The following PMM2 variants were observed in gnomAD, a reference collection of about 807,000 sequenced individuals.
PMM2 encodes phosphomannomutase 2, also known as mannose-6-phosphate isomerase.
PMM2 carries 35 observed loss-of-function variants against 33.2 expected under a neutral mutation model. The observed-to-expected ratio is 1.06, with a 90% confidence interval of 0.81 to 1.40. PMM2 has a LOEUF of 1.40. PMM2 is among the 40% of genes most tolerant of loss of function. The probability of loss-of-function intolerance (pLI) is 0.00; values close to 1 mark genes in which losing one functional copy is unlikely to be tolerated. For missense variants in PMM2, 386 were observed against 306.0 expected, an observed-to-expected ratio of 1.26 and a Z score of -1.95; for synonymous variants, 153 against 114.7, an observed-to-expected ratio of 1.33 and a Z score of -2.13.
intron 7 of PMM2, chr16:8,833,066 C>T (rs1271365325): frequency 8.3e-6 from 2 of 241,584 alleles, no homozygotes; most frequent in East Asian, 3.6e-4. Context: ...TGTGAAGAGA[C>T]CACCAAACGG....
intron 7 of PMM2, among the ~76,000 whole-genome samples, chr16:8,814,979 T>C (rs2060698722): frequency 6.6e-6 from 1 of 152,086 alleles, no homozygotes; most frequent in Non-Finnish European, 1.5e-5. Context: ...GAACAACAAC[T>C]CTCCATCTCC....
intron 3 of PMM2, among the ~76,000 whole-genome samples, chr16:8,805,568 G>C (rs949471471): frequency 4.6e-5 from 7 of 151,758 alleles, no homozygotes; most frequent in African/African-American, 7.3e-5. Flanking sequence ...AACTAGAGCA[G>C]ACTGCTTCAC....
At chr16:8,819,182 C>A (rs1429253084) in intron 7 of PMM2, among the ~76,000 whole-genome samples, 2 of 152,214 alleles carry the variant, frequency 1.3e-5, no homozygotes, top group Non-Finnish European at 1.5e-5. Flanking sequence ...TTGGGGACAG[C>A]CCCGCTGCTC....
chr16:8,847,656 AGGGTCAC>A, intron 7 of PMM2, 61 bp from the exon 8 acceptor site: 1 of 1,174,894 alleles, frequency 8.5e-7, no homozygotes, highest in Non-Finnish European at 1.3e-6. Flanking sequence ...TTTGGACTCC[AGGGTCAC>A]ATCAGCAATG....
At chr16:8,820,722 G>A (rs1349190740) in intron 7 of PMM2, among the ~76,000 whole-genome samples, 1 of 152,152 alleles carries the variant, frequency 6.6e-6, no homozygotes, top group Non-Finnish European at 1.5e-5. Flanking sequence ...GGTGACGCAG[G>A]GCCTGACTCA....
intron 7 of PMM2, among the ~76,000 whole-genome samples, chr16:8,844,874 T>C (rs982369275): frequency 2.0e-5 from 3 of 152,270 alleles, no homozygotes; most frequent in Non-Finnish European, 4.4e-5. Context: ...AAAAAGAGGC[T>C]GCTTATTGGA....
intron 7 of PMM2, among the ~76,000 whole-genome samples, chr16:8,825,460 C>T (rs781594402): frequency 3.3e-5 from 5 of 152,040 alleles, no homozygotes; most frequent in African/African-American, 9.7e-5. Flanking sequence ...GCTGGGATTA[C>T]AGGCACCCAC....
intron 7 of PMM2, among the ~76,000 whole-genome samples, chr16:8,839,875 A>T (rs56720954): frequency 0.92 from 127,473 of 137,850 alleles, 59,377 homozygotes; most frequent in East Asian, 0.97. Flanking sequence ...ATGGGGGGAG[A>T]AAGGAGAAAG....
At chr16:8,805,970 G>T (rs761283517) in intron 3 of PMM2, among the ~76,000 whole-genome samples, 9 of 152,160 alleles carry the variant, frequency 5.9e-5, no homozygotes, top group Non-Finnish European at 1.3e-4. Flanking sequence ...GAATGCCGAA[G>T]TGGAACAAAT....
At chr16:8,822,212 G>C (rs1380463034) in intron 7 of PMM2, among the ~76,000 whole-genome samples, 2 of 152,154 alleles carry the variant, frequency 1.3e-5, no homozygotes, top group Admixed American at 1.3e-4. Flanking sequence ...AGTTTTTCTT[G>C]CTATCTTCTG....
intron 7 of PMM2, among the ~76,000 whole-genome samples, chr16:8,823,921 T>C (rs1175352811): frequency 1.3e-5 from 2 of 152,208 alleles, no homozygotes; most frequent in African/African-American, 4.8e-5. Context: ...TATTTGAAAG[T>C]ATGTCGTACC....
intron 7 of PMM2, chr16:8,832,422 C>A (rs1567166249): frequency 1.0e-6 from 1 of 985,380 alleles, no homozygotes. Flanking sequence ...TACATGCACA[C>A]AGATCACTCA....
At chr16:8,824,342 A>C (rs1226419886) in intron 7 of PMM2, among the ~76,000 whole-genome samples, 1 of 152,226 alleles carries the variant, frequency 6.6e-6, no homozygotes, top group South Asian at 2.1e-4. Flanking sequence ...TTTGAAAAGG[A>C]TAAAACCAAG....
At position 8,797,865 on chromosome 16, in the gene PMM2, C is replaced by A; in HGVS notation, c.-18C>A. ...TCGTGCCAACGTGTCTTGTAAGGTGCGGCTAGAAACTGGGGACATGGCAGC... is the reference window on the plus strand; with the variant it reads ...TCGTGCCAACGTGTCTTGTAAGGTGAGGCTAGAAACTGGGGACATGGCAGC... On this transcript the variant is annotated 5_prime_UTR_variant, in exon 1 of 8. Transcript: ENST00000268261. 2 of 1,609,968 alleles carry A rather than the reference C, an allele frequency of 1.2e-6. No homozygotes were observed. The highest frequency in any genetic ancestry group is 1.7e-6 in the Non-Finnish European group (2 of 1,178,480).
chr16:8,812,918 T>A, intron 6 of PMM2, 73 bp from the exon 7 acceptor site: 2 of 872,890 alleles, frequency 2.3e-6, no homozygotes, highest in Non-Finnish European at 4.0e-6. Context: ...AAGAGTAAAT[T>A]GTTTTTTTCA....
rs186862292 is a variant in PMM2 at position 8,799,141 on chromosome 16, T to C, written c.66+1193T>C. 6.6e-5 allele frequency among the ~76,000 whole-genome samples: 10 copies of C among 152,306 alleles called. No homozygotes were observed. The East Asian group carries it at 1.2e-3, about 18-fold the overall frequency. ...GTGGTCTATAGTAACCACTCAACTT[T>C]AGTGCAAAACCAGCCATAAACCCTA... On this transcript the variant is annotated intron_variant, in intron 1 of 7. Coordinates refer to ENST00000268261, the MANE Select transcript of PMM2 (RefSeq NM_000303.3).
At chr16:8,847,277 G>A (rs2060932570) in intron 7 of PMM2, among the ~76,000 whole-genome samples, 1 of 151,486 alleles carries the variant, frequency 6.6e-6, no homozygotes, top group Admixed American at 6.6e-5. Flanking sequence ...CGCTGATGTC[G>A]CCACGTCCCT....
rs184554693 is a variant in PMM2, at chr16:8,837,052, A to G, written c.640-10672A>G. 5.1e-3 allele frequency among the ~76,000 whole-genome samples: 777 copies of G among 152,046 alleles called. 13 individuals are homozygous for G. The highest frequency in any genetic ancestry group is 0.014 in the South Asian group (67 of 4,816). ...CTGAGGAAGAATTGGAACCTAGCTC[A>G]GCCTGGCGAGGAGGAGAGGTCAGAT... On this transcript the variant is annotated intron_variant, in intron 7 of 7. Transcript: ENST00000268261.
Position 8,812,386 on chromosome 16 carries a change from C to T in PMM2, c.524-605C>T, listed in dbSNP as rs1596489480. Among the ~76,000 whole-genome samples, 3 of 152,200 alleles carry T rather than the reference C, an allele frequency of 2.0e-5. No homozygotes were observed. The South Asian group carries it at 6.2e-4, about 31-fold the overall frequency. ...GTGCTAATGAGTCATTGCTCAAAGC[C>T]TCCTCATTTTACTAGCTTTCATCAA... On this transcript the variant is annotated intron_variant, in intron 6 of 7. Transcript: ENST00000268261.
Sources: gnomAD v4.1 joint callset for allele counts (sites outside exome capture counted in the v4.1 genomes callset) on GRCh38, gnomAD v4.1.1 for gene constraint, MANE v1.5 for transcripts, NCBI Gene and HGNC (gene_info 2026-07-23, HGNC 2026-07-21) for gene names.